Variants in CEP112 observed in about 807,000 individuals in gnomAD.
CEP112 encodes centrosomal protein of 112 kDa.
A neutral mutation model predicts 153.0 loss-of-function variants in CEP112; 127 were observed. The observed-to-expected ratio is 0.83, with a 90% CI of 0.72 to 0.96. The LOEUF (loss-of-function observed/expected upper bound fraction) is 0.96, where lower values mean the gene tolerates loss of function less well. Ranked by LOEUF, CEP112 falls within the 40% of genes least tolerant of loss-of-function variation. The pLI, the probability that CEP112 is intolerant of heterozygous loss-of-function variation, is 0.00. For missense variants in CEP112, 1,089 were observed against 1,101.2 expected, an observed-to-expected ratio of 0.99 and a Z score of 0.16; for synonymous variants, 358 against 374.4, an observed-to-expected ratio of 0.96 and a Z score of 0.51.
At chr17:65,991,543 A>T (rs761634399) in intron 17 of CEP112, among the ~76,000 whole-genome samples, 7 of 152,142 alleles carry the variant, frequency 4.6e-5, no homozygotes, top group Non-Finnish European at 7.4e-5. Context: ...TTACTTTTAT[A>T]TTCTGGTAGA....
chr17:65,815,041 AT>A (rs1456680792), intron 21 of CEP112, among the ~76,000 whole-genome samples: 2 of 152,020 alleles, frequency 1.3e-5, no homozygotes, highest in Non-Finnish European at 2.9e-5. Context: ...ATGATTTCTA[AT>A]TTATCAATTT....
intron 24 of CEP112, among the ~76,000 whole-genome samples, chr17:65,661,000 T>G (rs1243712766): frequency 6.6e-6 from 1 of 152,214 alleles, no homozygotes; most frequent in African/African-American, 2.4e-5. Flanking sequence ...TTCTGTGATT[T>G]CTTTCATCTG....
At chr17:65,864,126 G>A (rs1321162631) in intron 20 of CEP112, among the ~76,000 whole-genome samples, 1 of 125,606 alleles carries the variant, frequency 8.0e-6, no homozygotes, top group Non-Finnish European at 1.8e-5. Flanking sequence ...GGGCGACAGA[G>A]TGAGACTCCT....
intron 19 of CEP112, among the ~76,000 whole-genome samples, chr17:65,920,362 A>ACAAACAAAAAAAAAAAAAAATATATAT (rs1230889770): frequency 2.3e-5 from 1 of 42,778 alleles, no homozygotes; most frequent in African/African-American, 8.6e-5. Flanking sequence ...AAACAAACAA[A>ACAAACAAAAAAAAAAAAAAATATATAT]ATATATATAT....
At chr17:66,088,935 T>TGACCTGCTGA (rs2068039140) in intron 8 of CEP112, among the ~76,000 whole-genome samples, 1 of 149,578 alleles carries the variant, frequency 6.7e-6, no homozygotes, top group East Asian at 2.0e-4. Flanking sequence ...TAGAACCAGG[T>TGACCTGCTGA]CAGCCCTTGC....
At chr17:65,936,814 CTCCCCACGGT>C (rs2061324755) in intron 18 of CEP112, among the ~76,000 whole-genome samples, 2 of 132,742 alleles carry the variant, frequency 1.5e-5, no homozygotes, top group East Asian at 3.4e-4. Context: ...CCCTCCCCCT[CTCCCCACGGT>C]CTCCCTCTCC....
intron 17 of CEP112, among the ~76,000 whole-genome samples, chr17:65,983,338 C>A (rs2319109): frequency 6.6e-6 from 1 of 152,014 alleles, no homozygotes; most frequent in Non-Finnish European, 1.5e-5. Flanking sequence ...AAAGACCGCA[C>A]GCCCGCCATG....
chr17:65,890,469 GAC>G (rs1351162344), intron 20 of CEP112, among the ~76,000 whole-genome samples: 1 of 152,116 alleles, frequency 6.6e-6, no homozygotes, highest in African/African-American at 2.4e-5. Context: ...GACCTCCTCA[GAC>G]CTGATGCCCC....
Position 66,175,001 on chromosome 17 carries a change from C to T in CEP112, c.470+43G>A, listed in dbSNP as rs1210276377. On this transcript the variant is annotated intron_variant, in intron 4 of 26. Coordinates refer to ENST00000535342, the MANE Select transcript of CEP112 (RefSeq NM_001199165.4). ...TGTATAAATCAGTTCCAAAGACAGA[C>T]TAAATGATGAAACACATTCAAAATC... 18 of 1,361,688 alleles carry T rather than the reference C, an allele frequency of 1.3e-5. No individual in the cohort carries two copies. In the Admixed American group the frequency reaches 3.9e-4, roughly 30 times the overall value. The allele number at this position is 1,361,688 out of a possible 1,614,324, so 84.4% of individuals were successfully genotyped here. A position where few individuals can be genotyped will look rare whatever the true frequency, so the allele number is the denominator to read the frequency against.
At chr17:65,861,426 A>C (rs1281709978) in intron 20 of CEP112, among the ~76,000 whole-genome samples, 1 of 152,240 alleles carries the variant, frequency 6.6e-6, no homozygotes, top group Non-Finnish European at 1.5e-5. Flanking sequence ...ACAGTTAAGA[A>C]CATTTGTTCA....
At chr17:65,763,207 C>T (rs762007885) in intron 21 of CEP112, among the ~76,000 whole-genome samples, 11 of 151,964 alleles carry the variant, frequency 7.2e-5, no homozygotes, top group Non-Finnish European at 1.6e-4. Context: ...AGGTGTTTTT[C>T]TTTTCCCTCT....
chr17:65,746,165 C>CAAAAAAAAA (rs56361589), intron 22 of CEP112, among the ~76,000 whole-genome samples: 17 of 49,428 alleles, frequency 3.4e-4, no homozygotes, highest in African/African-American at 8.1e-4. Flanking sequence ...AACTCCATCT[C>CAAAAAAAAA]AAAAAAAAAA....
chr17:65,783,448 A>G (rs746141314), intron 21 of CEP112, among the ~76,000 whole-genome samples: 4 of 152,228 alleles, frequency 2.6e-5, no homozygotes, highest in Non-Finnish European at 4.4e-5. Flanking sequence ...TAAATACTCC[A>G]AAGAACTGAA....
chr17:65,754,231 G>A (rs2052077740), intron 21 of CEP112, among the ~76,000 whole-genome samples: 1 of 152,160 alleles, frequency 6.6e-6, no homozygotes, highest in African/African-American at 2.4e-5. Flanking sequence ...GGAGATGAGG[G>A]TAACCTCTAG....
chr17:65,830,940 G>GA (rs1406966658), intron 21 of CEP112, among the ~76,000 whole-genome samples: 2 of 152,164 alleles, frequency 1.3e-5, no homozygotes, highest in African/African-American at 4.8e-5. Flanking sequence ...CCCCAGACCA[G>GA]AAAAAATTGG....
intron 1 of CEP112, among the ~76,000 whole-genome samples, chr17:66,185,689 C>T (rs1387310081): frequency 6.6e-6 from 1 of 152,152 alleles, no homozygotes; most frequent in Non-Finnish European, 1.5e-5. Flanking sequence ...ACTACATGTT[C>T]CTTTAAACTG....
At chr17:66,152,238 G>A (rs2071241166) in intron 4 of CEP112, among the ~76,000 whole-genome samples, 1 of 152,180 alleles carries the variant, frequency 6.6e-6, no homozygotes, top group South Asian at 2.1e-4. Flanking sequence ...TGGGGCTCAA[G>A]AGGAAGTAAG....
In CEP112 at chr17:66,139,543, G is replaced by T. The variant is rs116587705; in HGVS notation, c.471-6780C>A. On this transcript the variant is annotated intron_variant, in intron 4 of 26. Transcript: ENST00000535342. Reference sequence around the variant, plus strand: ...GGATTGCTTCAGCCCAAGATGTCAAGGCGGCAGTGAGCAGTGATTGCACCA... The same window carrying T: ...GGATTGCTTCAGCCCAAGATGTCAATGCGGCAGTGAGCAGTGATTGCACCA... 5.0e-3 allele frequency among the ~76,000 whole-genome samples: 758 copies of T among 152,240 alleles called. 8 individuals carry two copies. Among genetic ancestry groups the T allele is most frequent in the African/African-American group, 0.017 (717 of 41,538 alleles).
At chr17:65,717,551 T>G (rs1832368439) in intron 23 of CEP112, among the ~76,000 whole-genome samples, 1 of 152,200 alleles carries the variant, frequency 6.6e-6, no homozygotes, top group African/African-American at 2.4e-5. Flanking sequence ...TCCTTCTGGT[T>G]CCAGGGCTTA....
Sources: gnomAD v4.1 joint callset for allele counts (sites outside exome capture counted in the v4.1 genomes callset) on GRCh38, gnomAD v4.1.1 for gene constraint, MANE v1.5 for transcripts, NCBI Gene and HGNC (gene_info 2026-07-23, HGNC 2026-07-21) for gene names.